The following GRK5 variants were observed in gnomAD, a reference collection of about 807,000 sequenced individuals.
GRK5 encodes G protein-coupled receptor kinase 5.
A neutral mutation model predicts 78.4 loss-of-function variants in GRK5; 40 were observed. That is an observed-to-expected ratio of 0.51 (90% CI 0.40 to 0.66). The LOEUF (loss-of-function observed/expected upper bound fraction) is 0.66, where lower values mean the gene tolerates loss of function less well. Ranked by LOEUF, GRK5 falls within the 30% of genes least tolerant of loss-of-function variation. GRK5 has a pLI of 0.00. For synonymous variants in GRK5, 289 were observed against 296.8 expected, an observed-to-expected ratio of 0.97 and a Z score of 0.27; for missense variants, 598 against 759.9, an observed-to-expected ratio of 0.79 and a Z score of 2.50.
At position 119,253,219 on chromosome 10, in the gene GRK5, A is replaced by G. The variant is rs987417839; in HGVS notation, c.52+45250A>G. On this transcript the variant is annotated intron_variant, in intron 1 of 15. Coordinates refer to ENST00000392870, the MANE Select transcript of GRK5 (RefSeq NM_005308.3). The surrounding 1 kb of genome is among the most constrained non-coding windows in gnomAD (Gnocchi z 5.7). ...TGAGCTCACATCTGAGGGTCTGTTG[A>G]GATTACAGAGGCCCTTGATAGAGTC... 5.9e-5 allele frequency among the ~76,000 whole-genome samples: 9 copies of G among 152,204 alleles called. No individual in the cohort carries two copies. Among genetic ancestry groups the G allele is most frequent in the African/African-American group, 2.2e-4 (9 of 41,444 alleles).
At chr10:119,347,350 CGT>C (rs892635281) in intron 2 of GRK5, among the ~76,000 whole-genome samples, 2 of 150,152 alleles carry the variant, frequency 1.3e-5, no homozygotes, top group Non-Finnish European at 3.0e-5. Context: ...CATGTGTGTG[CGT>C]GTGTGTACAT....
At chr10:119,410,606 G>A (rs951480184) in intron 4 of GRK5, among the ~76,000 whole-genome samples, 1 of 152,106 alleles carries the variant, frequency 6.6e-6, no homozygotes, top group South Asian at 2.1e-4. Flanking sequence ...CCAGCCACAC[G>A]GCCCTCACTT....
rs542663166 is a variant in GRK5, at chr10:119,329,806, A to G, written c.148+3195A>G. Among the ~76,000 whole-genome samples the G allele has an allele frequency of 2.0e-5, 3 of 151,988 alleles. No homozygotes were observed. In the South Asian group the frequency reaches 6.2e-4, roughly 32 times the overall value. On this transcript the variant is annotated intron_variant, in intron 2 of 15. Transcript: ENST00000392870. The stretch of plus-strand genomic sequence containing the variant: ...TTTTGCTGGCATAGCTGGTTACTGT[A>G]GAACTGTCCCGTTTCTGCTATGGTT...
intron 1 of GRK5, among the ~76,000 whole-genome samples, chr10:119,227,001 T>C (rs1288656683): frequency 5.3e-5 from 8 of 152,102 alleles, no homozygotes. Flanking sequence ...TGGGATTATA[T>C]GCGCCCGCCA....
rs192903264 is a variant in GRK5 at position 119,350,464 on chromosome 10, C to T, written c.148+23853C>T. ...CCATTGCTCAAAAGTGTCTCTGACACCGAGGCTGGATCCTGCAGCATCTTT... is the reference window on the plus strand; with the variant it reads ...CCATTGCTCAAAAGTGTCTCTGACATCGAGGCTGGATCCTGCAGCATCTTT... On this transcript the variant is annotated intron_variant, in intron 2 of 15. Coordinates refer to ENST00000392870, the MANE Select transcript of GRK5 (RefSeq NM_005308.3). Among the ~76,000 whole-genome samples the T allele has an allele frequency of 2.2e-4, 34 of 152,316 alleles. No individual in the cohort carries two copies. In the East Asian group the frequency reaches 5.0e-3, roughly 22 times the overall value.
intron 1 of GRK5, among the ~76,000 whole-genome samples, chr10:119,296,921 C>A (rs1378833569): frequency 6.6e-6 from 1 of 152,170 alleles, no homozygotes; most frequent in Non-Finnish European, 1.5e-5. Flanking sequence ...ATACTGGTCA[C>A]CCTGTGGGCA....
chr10:119,458,411 T>A lies in GRK5; in HGVS notation c.*3344T>A, dbSNP rs1167935310. 2.0e-5 allele frequency: 3 copies of A among 152,226 alleles called. No homozygotes were observed. Among genetic ancestry groups the A allele is most frequent in the African/African-American group, 7.2e-5 (3 of 41,452 alleles). 9.4% of individuals were successfully genotyped at this position (152,226 alleles called of 1,614,324 possible). ...TGCACTCACATGCCACAGCAACCCATTCTCGCCTCTTCCTTGGCCGGGAAC... is the reference window on the plus strand; with the variant it reads ...TGCACTCACATGCCACAGCAACCCAATCTCGCCTCTTCCTTGGCCGGGAAC... On this transcript the variant is annotated 3_prime_UTR_variant, in exon 16 of 16. Transcript: ENST00000392870.
chr10:119,279,700 G>A (rs1227675418), intron 1 of GRK5, among the ~76,000 whole-genome samples: 2 of 152,178 alleles, frequency 1.3e-5, no homozygotes, highest in Non-Finnish European at 2.9e-5. Flanking sequence ...GGCAAGAAGA[G>A]CCACGCTGCA....
chr10:119,266,773 G>GTTTTTT (rs1254703830), intron 1 of GRK5, among the ~76,000 whole-genome samples: 1 of 134,722 alleles, frequency 7.4e-6, no homozygotes, highest in Non-Finnish European at 1.6e-5. Context: ...GGGGGGAAGA[G>GTTTTTT]TTTTTTTTTT....
intron 1 of GRK5, among the ~76,000 whole-genome samples, chr10:119,261,106 T>C (rs1166601991): frequency 3.2e-5 from 4 of 126,822 alleles, no homozygotes; most frequent in East Asian, 2.6e-4. Context: ...CCAGACTGGG[T>C]GGCTGCCGGG....
At chr10:119,441,375 G>A (rs537609891) in intron 10 of GRK5, among the ~76,000 whole-genome samples, 10 of 152,192 alleles carry the variant, frequency 6.6e-5, no homozygotes, top group Non-Finnish European at 1.5e-4. Flanking sequence ...AGTTGTGGCC[G>A]CGACCCTGCC....
chr10:119,455,114 TCTC>T lies in GRK5; in HGVS notation c.*50_*52del. 1 of 1,426,532 alleles carries T rather than the reference TCTC, an allele frequency of 7.0e-7. No homozygotes were observed. The highest frequency in any genetic ancestry group is 2.3e-5 in the East Asian group (1 of 44,004). The allele number at this position is 1,426,532 out of a possible 1,614,324, so 88.4% of individuals were successfully genotyped here. On this transcript the variant is annotated 3_prime_UTR_variant, in exon 16 of 16. Transcript: ENST00000392870. Reference sequence around the variant, plus strand: ...CCACAGTGGAACCAGCCCAGACCCTTCTCCTTAGAAGTGGAAGTAGTGGAGCCC... The same window carrying T: ...CCACAGTGGAACCAGCCCAGACCCTTCTTAGAAGTGGAAGTAGTGGAGCCC...
chr10:119,453,237 G>A lies in GRK5; in HGVS notation c.1635G>A (p.Pro545=), dbSNP rs185837625. 41 of 1,613,972 alleles carry A rather than the reference G, an allele frequency of 2.5e-5. No homozygotes were observed. Among genetic ancestry groups the A allele is most frequent in the East Asian group, 6.7e-5 (3 of 44,866 alleles). The part of the protein sequence containing the change: ...PDLNRNHPPE[P]PKKGLLQRLF... ...TGAACAGAAACCACCCTCCGGAACCGCCCAAGAAAGGGCTGCTCCAGAGAC... is the reference window on the plus strand; with the variant it reads ...TGAACAGAAACCACCCTCCGGAACCACCCAAGAAAGGGCTGCTCCAGAGAC... The change falls in exon 15 of 16, where the codon CCG becomes CCA. Residue 545 remains proline, a synonymous_variant. Coordinates refer to ENST00000392870, the MANE Select transcript of GRK5 (RefSeq NM_005308.3).
At chr10:119,224,675 A>G (rs1273719726) in intron 1 of GRK5, among the ~76,000 whole-genome samples, 1 of 152,100 alleles carries the variant, frequency 6.6e-6, no homozygotes, top group Non-Finnish European at 1.5e-5. Flanking sequence ...TGGCCTTACA[A>G]AGTGCTAGGA....
At chr10:119,425,694 C>A (rs1352350037) in intron 6 of GRK5, among the ~76,000 whole-genome samples, 1 of 152,246 alleles carries the variant, frequency 6.6e-6, no homozygotes, top group Non-Finnish European at 1.5e-5. Flanking sequence ...TTTTCCTATC[C>A]CGTGAGTGAG....
chr10:119,351,252 A>G (rs943484432), intron 2 of GRK5, among the ~76,000 whole-genome samples: 4 of 152,238 alleles, frequency 2.6e-5, no homozygotes, highest in African/African-American at 9.6e-5. Flanking sequence ...AAAGAAAGAT[A>G]TTGAGTAAAT....
chr10:119,231,638 C>T (rs141067842), intron 1 of GRK5, among the ~76,000 whole-genome samples: 1,564 of 146,056 alleles, frequency 0.011, 34 homozygotes, highest in African/African-American at 0.038. Context: ...ACCTGGGAGG[C>T]GGAGGTTGCA....
chr10:119,258,993 G>A (rs1301807645), intron 1 of GRK5, among the ~76,000 whole-genome samples: 1 of 152,050 alleles, frequency 6.6e-6, no homozygotes, highest in South Asian at 2.1e-4. Context: ...AGGTGCAACA[G>A]TGACAGGGCA....
chr10:119,452,377 A>C lies in GRK5; in HGVS notation c.1405-294A>C. The C allele has an allele frequency of 5.5e-6, 2 of 364,522 alleles. No individual in the cohort carries two copies. The highest frequency in any genetic ancestry group is 5.1e-6 in the Non-Finnish European group (1 of 196,782). 22.6% of individuals were successfully genotyped at this position (364,522 alleles called of 1,614,324 possible). ...CCCGAGCTCCTGTGTCACCCCAGCC[A>C]GGGTCCCCGTCATGGATCTGAGAGA... On this transcript the variant is annotated intron_variant, in intron 13 of 15. Coordinates refer to ENST00000392870, the MANE Select transcript of GRK5 (RefSeq NM_005308.3). The surrounding 1 kb of genome is among the most constrained non-coding windows in gnomAD (Gnocchi z 4.4).
Sources: allele counts gnomAD v4.1 joint callset (sites outside exome capture counted in the v4.1 genomes callset), GRCh38; gene constraint gnomAD v4.1.1; non-coding constraint Gnocchi (gnomAD v3.1); transcripts MANE v1.5; gene names NCBI Gene and HGNC (gene_info 2026-07-23, HGNC 2026-07-21).